Variants in PIMREG observed in about 807,000 individuals in gnomAD.
PIMREG encodes PICALM interacting mitotic regulator, also known as protein PIMREG.
In PIMREG, 19 loss-of-function variants were observed where a neutral mutation model predicts 24.3. The observed-to-expected ratio is 0.78, with a 90% CI of 0.54 to 1.15. The LOEUF (loss-of-function observed/expected upper bound fraction) is 1.15. Ranked by LOEUF, PIMREG falls within the 50% of genes most tolerant of loss-of-function variation. The pLI, the probability that PIMREG is intolerant of heterozygous loss-of-function variation, is 0.00. For synonymous variants in PIMREG, 112 were observed against 124.1 expected, an observed-to-expected ratio of 0.90 and a Z score of 0.65; for missense variants, 283 against 306.8, an observed-to-expected ratio of 0.92 and a Z score of 0.58.
At position 6,450,418 on chromosome 17, in the gene PIMREG, C is replaced by T. The variant is rs748972545; in HGVS notation, c.*71C>T. The T allele has an allele frequency of 4.1e-5, 65 of 1,569,682 alleles. 2 individuals are homozygous for T. The Middle Eastern group carries it at 6.6e-4, about 16-fold the overall frequency. On this transcript the variant is annotated 3_prime_UTR_variant, in exon 6 of 6. Coordinates refer to ENST00000572447, the MANE Select transcript of PIMREG (RefSeq NM_019013.3). ...ATACTCAAGGATGTCTATGCTTCCC[C>T]GTGAGCTTCCTGGAAAAAACCCCCG... is the stretch of plus-strand genomic sequence containing the variant.
Position 6,444,686 on chromosome 17 carries a change from C to T in PIMREG, c.-36+198C>T, listed in dbSNP as rs956625297. On this transcript the variant is annotated intron_variant, in intron 1 of 5. Transcript: ENST00000572447. This position sits in a 1 kb window ranked among gnomAD's most constrained non-coding sequence, Gnocchi z 4.3. ...AGAAGTCGGATCGAAATCGGGGCGT[C>T]TGGTGGGAAGGCCGGGGTCTGGGCG... Among the ~76,000 whole-genome samples the T allele has an allele frequency of 6.6e-6, 1 of 151,934 alleles. No homozygotes were observed. Among genetic ancestry groups the T allele is most frequent in the Non-Finnish European group, 1.5e-5 (1 of 67,982 alleles).
In PIMREG at chr17:6,450,819, T is replaced by G; in HGVS notation, c.*472T>G. 1.0e-5 allele frequency: 2 copies of G among 197,480 alleles called. No homozygotes were observed. The highest frequency in any genetic ancestry group is 1.3e-4 in the East Asian group (1 of 7,770). 12.2% of individuals were successfully genotyped at this position (197,480 alleles called of 1,614,324 possible). ...GCCCCACTCTCATCCCTCCTTTCCC[T>G]ACCAGGGACTCGGAGGAAGGCATAG... On this transcript the variant is annotated 3_prime_UTR_variant, in exon 6 of 6. Coordinates refer to ENST00000572447, the MANE Select transcript of PIMREG (RefSeq NM_019013.3).
intron 2 of PIMREG, chr17:6,446,043 G>A (rs1418660493): frequency 2.5e-6 from 1 of 401,254 alleles, no homozygotes; most frequent in Non-Finnish European, 4.4e-6. Context: ...TGATGGAGAA[G>A]GGAATAGAGG....
rs750395409 is a variant in PIMREG at position 6,447,682 on chromosome 17, C to T, written c.514C>T (p.His172Tyr). Residue 172 changes from histidine (H) to tyrosine (Y), a missense_variant, in exon 3 of 6, where the codon CAC (histidine) becomes TAC (tyrosine). Physicochemically the swap from His to Tyr is moderately conservative, Grantham distance 83 (BLOSUM62 2). Transcript: ENST00000572447. ...CTCTGTCCGGATGGGCTCACATGCC[C>T]ACCCATTACGGCGATCAAGGCGGGA... is the stretch of plus-strand genomic sequence containing the variant. ...RLSVRMGSHA[H>Y]PLRRSRREAA... is the part of the protein sequence containing the mutation. 5 of 1,614,188 alleles carry T rather than the reference C, an allele frequency of 3.1e-6. No individual in the cohort carries two copies. Among genetic ancestry groups the T allele is most frequent in the Non-Finnish European group, 4.2e-6 (5 of 1,180,022 alleles).
intron 4 of PIMREG, chr17:6,449,635 A>G: frequency 7.7e-7 from 1 of 1,300,178 alleles, no homozygotes. Context: ...GGGCCTTGGG[A>G]CCCCATGTTT....
At position 6,451,330 on chromosome 17, in the gene PIMREG, C is replaced by G. The variant is rs1453488097; in HGVS notation, c.*983C>G. The G allele has an allele frequency of 6.6e-6, 1 of 152,222 alleles. No homozygotes were observed. Among genetic ancestry groups the G allele is most frequent in the Non-Finnish European group, 1.5e-5 (1 of 68,032 alleles). 9.4% of individuals were successfully genotyped at this position (152,222 alleles called of 1,614,324 possible). On this transcript the variant is annotated 3_prime_UTR_variant, in exon 6 of 6. Transcript: ENST00000572447. ...GCTAAAAACCAGCTCACATCAAAAT[C>G]AAGACCCAGTTGTAAAAATCTTTTA... is the stretch of plus-strand genomic sequence containing the variant.
At position 6,445,303 on chromosome 17, in the gene PIMREG, G is replaced by A. The variant is rs756624399; in HGVS notation, c.193G>A (p.Ala65Thr). The A allele has an allele frequency of 2.5e-6, 4 of 1,613,922 alleles. No individual in the cohort carries two copies. Among genetic ancestry groups the A allele is most frequent in the Admixed American group, 1.7e-5 (1 of 60,004 alleles). The change falls in exon 2 of 6, where the codon GCA becomes ACA. Residue 65 changes from alanine to threonine, a missense_variant. Ala to Thr is a moderately conservative substitution (Grantham distance 58). Transcript: ENST00000572447. ...PLRAVNLNLR[A>T]GPSWKRLETP... ...GAGAGCCGTCAACCTCAACCTCCGC[G>A]CAGGGCCCTCCTGGAAACGCCTGGA...
chr17:6,450,427 C>T lies in PIMREG; in HGVS notation c.*80C>T. 1 of 1,568,620 alleles carries T rather than the reference C, an allele frequency of 6.4e-7. No homozygotes were observed. Among genetic ancestry groups the T allele is most frequent in the South Asian group, 1.2e-5 (1 of 86,408 alleles). ...GATGTCTATGCTTCCCCGTGAGCTTCCTGGAAAAAACCCCCGGGAGTCGTC... is the reference window on the plus strand; with the variant it reads ...GATGTCTATGCTTCCCCGTGAGCTTTCTGGAAAAAACCCCCGGGAGTCGTC... On this transcript the variant is annotated 3_prime_UTR_variant, in exon 6 of 6. Coordinates refer to ENST00000572447, the MANE Select transcript of PIMREG (RefSeq NM_019013.3).
At chr17:6,450,248 G>A (rs1408412842) in intron 5 of PIMREG, 114 bp from the exon 6 acceptor site, 2 of 1,200,178 alleles carry the variant, frequency 1.7e-6, no homozygotes, top group Non-Finnish European at 1.2e-6. Flanking sequence ...GCACGCTGGG[G>A]GCCCCAAGTA....
intron 2 of PIMREG, among the ~76,000 whole-genome samples, chr17:6,447,101 T>C (rs1428075641): frequency 2.1e-5 from 2 of 95,536 alleles, no homozygotes; most frequent in African/African-American, 6.2e-5. Context: ...ACCCTTGGTT[T>C]TTTTTTTTGT....
At chr17:6,448,237 C>T (rs1214028200) in intron 3 of PIMREG, among the ~76,000 whole-genome samples, 3 of 133,512 alleles carry the variant, frequency 2.2e-5, no homozygotes, top group African/African-American at 5.5e-5. Context: ...GAGCTGAGAT[C>T]GCGCCACTGC....
In PIMREG at chr17:6,448,542, C is replaced by T. The variant is rs559614593; in HGVS notation, c.591-770C>T. Among the ~76,000 whole-genome samples, 7 of 152,200 alleles carry T rather than the reference C, an allele frequency of 4.6e-5. No homozygotes were observed. The East Asian group carries it at 1.2e-3, about 25-fold the overall frequency. On this transcript the variant is annotated intron_variant, in intron 3 of 5. Coordinates refer to ENST00000572447, the MANE Select transcript of PIMREG (RefSeq NM_019013.3). ...TTTGACAGGTAAGGAAACGGAGGTCCGGAGGGGTTTGGTGATTAGCCTGAG... is the reference window on the plus strand; with the variant it reads ...TTTGACAGGTAAGGAAACGGAGGTCTGGAGGGGTTTGGTGATTAGCCTGAG...
At chr17:6,449,703 G>C (rs949077411) in intron 4 of PIMREG, 3 of 1,395,100 alleles carry the variant, frequency 2.2e-6, no homozygotes, top group African/African-American at 2.9e-5. Flanking sequence ...CCTTCCTCCA[G>C]AACTCTCCGT....
Position 6,450,030 on chromosome 17 carries a change from G to A in PIMREG, c.689G>A (p.Gly230Asp), listed in dbSNP as rs866518144. 1.2e-5 allele frequency: 19 copies of A among 1,614,016 alleles called. No individual in the cohort carries two copies. The highest frequency in any genetic ancestry group is 1.6e-5 in the Non-Finnish European group (19 of 1,179,996). ...TCAATCCCTCCCCTTCTCTCTAGTG[G>A]TGACATCGTCTCTCTCATTCATGAC... Reference protein sequence around the residue: ...LDEAIMAEESGDIVSLIHD With the variant: ...LDEAIMAEESDDIVSLIHD Residue 230 changes from glycine (G) to aspartate (D), a missense_variant and splice_region_variant, in exon 5 of 6, where the codon GGT (glycine) becomes GAT (aspartate). Physicochemically the swap from Gly to Asp is moderately conservative, Grantham distance 94. Coordinates refer to ENST00000572447, the MANE Select transcript of PIMREG (RefSeq NM_019013.3).
At chr17:6,449,650 A>C in intron 4 of PIMREG, 5 of 1,365,836 alleles carry the variant, frequency 3.7e-6, no homozygotes, top group Non-Finnish European at 4.7e-6. Context: ...ATGTTTGTCC[A>C]TCACTTGGAA....
chr17:6,449,259 C>G lies in PIMREG; in HGVS notation c.591-53C>G, dbSNP rs530447444. ...CACCCCGGTACCGGGTTGCAAGGGTCTCCTGCCGGGAGTTTCCAACTAGTC... is the reference window on the plus strand; with the variant it reads ...CACCCCGGTACCGGGTTGCAAGGGTGTCCTGCCGGGAGTTTCCAACTAGTC... On this transcript the variant is annotated intron_variant, in intron 3 of 5. Coordinates refer to ENST00000572447, the MANE Select transcript of PIMREG (RefSeq NM_019013.3). 30 of 1,515,248 alleles carry G rather than the reference C, an allele frequency of 2.0e-5. No individual in the cohort carries two copies. The South Asian group carries it at 3.1e-4, about 15-fold the overall frequency. The allele number at this position is 1,515,248 out of a possible 1,614,324, so 93.9% of individuals were successfully genotyped here.
In PIMREG at chr17:6,444,593, G is replaced by A. The variant is rs1913501939; in HGVS notation, c.-36+105G>A. 1 of 154,472 alleles carries A rather than the reference G, an allele frequency of 6.5e-6. No individual in the cohort carries two copies. Among genetic ancestry groups the A allele is most frequent in the Non-Finnish European group, 1.4e-5 (1 of 69,502 alleles). 9.6% of individuals were successfully genotyped at this position (154,472 alleles called of 1,614,324 possible). The stretch of plus-strand genomic sequence containing the variant: ...TTTTTGTTCGGAGGGGAGGGCATCA[G>A]GTTCTGTTCACAGGGGAGGGCATCA... On this transcript the variant is annotated intron_variant, in intron 1 of 5. Coordinates refer to ENST00000572447, the MANE Select transcript of PIMREG (RefSeq NM_019013.3). This position sits in a 1 kb window ranked among gnomAD's most constrained non-coding sequence, Gnocchi z 4.3.
At position 6,447,802 on chromosome 17, in the gene PIMREG, C is replaced by A. The variant is rs772336733; in HGVS notation, c.590+44C>A. 3 of 1,540,678 alleles carry A rather than the reference C, an allele frequency of 1.9e-6. No individual in the cohort carries two copies. The South Asian group carries it at 3.7e-5, about 19-fold the overall frequency. ...CACCCCGGGGCTGGTGGCCTTTTAA[C>A]CTGGGCACAATCCCTGCTGTCTGAC... is the stretch of plus-strand genomic sequence containing the variant. On this transcript the variant is annotated intron_variant, in intron 3 of 5. Coordinates refer to ENST00000572447, the MANE Select transcript of PIMREG (RefSeq NM_019013.3).
At chr17:6,447,212 A>G (rs896919276) in intron 2 of PIMREG, 45 of 407,892 alleles carry the variant, frequency 1.1e-4, no homozygotes, top group African/African-American at 8.8e-4. Flanking sequence ...CCCGGGTTCA[A>G]GCGACTCTCA....
Sources: gnomAD v4.1 joint callset for allele counts (sites outside exome capture counted in the v4.1 genomes callset) on GRCh38, gnomAD v4.1.1 for gene constraint, Gnocchi (gnomAD v3.1) non-coding constraint, MANE v1.5 for transcripts, NCBI Gene and HGNC (gene_info 2026-07-23, HGNC 2026-07-21) for gene names.